Variants in TTL observed in about 807,000 individuals in gnomAD.
TTL encodes the protein tubulin--tyrosine ligase.
Under a neutral mutation model 41.1 loss-of-function variants are expected in TTL, and 10 were observed. That is an observed-to-expected ratio of 0.24 (90% CI 0.15 to 0.41). TTL has a LOEUF of 0.41. Among genes scored for constraint, TTL ranks in the 10% least tolerant of loss-of-function variants. The probability of loss-of-function intolerance (pLI) is 1.00; values close to 1 mark genes in which losing one functional copy is unlikely to be tolerated. For missense variants in TTL, 367 were observed against 460.4 expected, an observed-to-expected ratio of 0.80 and a Z score of 1.86; for synonymous variants, 175 against 175.5, an observed-to-expected ratio of 1.00 and a Z score of 0.02.
In TTL at chr2:112,530,975, T is replaced by G. The variant is rs1239450997; in HGVS notation, c.*2180T>G. The G allele has an allele frequency of 2.8e-5, 5 of 180,822 alleles. No homozygotes were observed. The highest frequency in any genetic ancestry group is 6.3e-5 in the Admixed American group (1 of 15,938). The allele number at this position is 180,822 out of a possible 1,614,324, so 11.2% of individuals were successfully genotyped here. Reference sequence around the variant, plus strand: ...AAATAAATTTTAAATAAATTTTAAATAAAATTTTACAGAGACGTGGTCTCA... The same window carrying G: ...AAATAAATTTTAAATAAATTTTAAAGAAAATTTTACAGAGACGTGGTCTCA... On this transcript the variant is annotated 3_prime_UTR_variant, in exon 7 of 7. Coordinates refer to ENST00000233336, the MANE Select transcript of TTL (RefSeq NM_153712.5).
chr2:112,499,594 G>A (rs902643116), intron 3 of TTL, among the ~76,000 whole-genome samples: 1 of 152,196 alleles, frequency 6.6e-6, no homozygotes, highest in Non-Finnish European at 1.5e-5. Context: ...GACTCCAAAA[G>A]TGTAATCCAT....
chr2:112,496,611 G>A (rs1243919379), intron 3 of TTL, among the ~76,000 whole-genome samples: 4 of 149,556 alleles, frequency 2.7e-5, no homozygotes, highest in Non-Finnish European at 4.4e-5. Context: ...CTTTGCTGTA[G>A]ATGACCCTTG....
At chr2:112,489,073 T>A (rs1457977020) in intron 2 of TTL, among the ~76,000 whole-genome samples, 1 of 152,070 alleles carries the variant, frequency 6.6e-6, no homozygotes, top group African/African-American at 2.4e-5. Flanking sequence ...GGTGACAGAG[T>A]GAGACGCCGT....
rs1256096151 is a variant in TTL at position 112,540,223 on chromosome 2, A to C, written c.*11428A>C. ...GCGGCCAAGGCAGATGGATTACTTG[A>C]GGTCAGGAATTCAAGACCAGCTTGG... is the stretch of plus-strand genomic sequence containing the variant. On this transcript the variant is annotated 3_prime_UTR_variant, in exon 7 of 7. Coordinates refer to ENST00000233336, the MANE Select transcript of TTL (RefSeq NM_153712.5). The C allele has an allele frequency of 2.0e-5, 3 of 152,336 alleles. No homozygotes were observed. Among genetic ancestry groups the C allele is most frequent in the South Asian group, 4.1e-4 (2 of 4,830 alleles). 9.4% of individuals were successfully genotyped at this position (152,336 alleles called of 1,614,324 possible). A position where few individuals can be genotyped will look rare whatever the true frequency, so the allele number is the denominator to read the frequency against.
intron 3 of TTL, 25 bp downstream of exon 3, chr2:112,494,400 C>A: frequency 6.4e-7 from 1 of 1,563,804 alleles, no homozygotes; most frequent in South Asian, 1.1e-5. Context: ...CTGTCCCCTT[C>A]TCTATTCCTG....
rs1439185951 is a variant in TTL, at chr2:112,541,559, T to G, written c.*12764T>G. 6.6e-6 allele frequency: 1 copy of G among 152,536 alleles called. No homozygotes were observed. Among genetic ancestry groups the G allele is most frequent in the Non-Finnish European group, 1.5e-5 (1 of 68,304 alleles). The allele number at this position is 152,536 out of a possible 1,614,324, so 9.4% of individuals were successfully genotyped here. A position where few individuals can be genotyped will look rare whatever the true frequency, so the allele number is the denominator to read the frequency against. The stretch of plus-strand genomic sequence containing the variant: ...GGAAGTTGACAGTAAGGAGGGACTA[T>G]CAGGGGCAGGAGGATACTGGGTAGT... On this transcript the variant is annotated 3_prime_UTR_variant, in exon 7 of 7. Transcript: ENST00000233336.
intron 3 of TTL, among the ~76,000 whole-genome samples, chr2:112,500,408 T>C (rs1287944760): frequency 6.6e-6 from 1 of 151,978 alleles, no homozygotes; most frequent in Non-Finnish European, 1.5e-5. Context: ...CCATATGTAC[T>C]AAAAATACAA....
intron 6 of TTL, chr2:112,521,438 ATGATGT>A: frequency 1.2e-6 from 1 of 854,678 alleles, no homozygotes; most frequent in Non-Finnish European, 1.4e-6. Flanking sequence ...ATCCTCTTTC[ATGATGT>A]CAAGACCCTT....
At chr2:112,500,956 C>T (rs1283622691) in intron 3 of TTL, among the ~76,000 whole-genome samples, 2 of 148,602 alleles carry the variant, frequency 1.3e-5, no homozygotes, top group Admixed American at 1.3e-4. Flanking sequence ...GTAAAACTGA[C>T]GTTTCATGGT....
intron 6 of TTL, among the ~76,000 whole-genome samples, chr2:112,524,515 TG>T (rs1682324040): frequency 6.6e-6 from 1 of 152,216 alleles, no homozygotes; most frequent in Non-Finnish European, 1.5e-5. Flanking sequence ...TATCTCATTG[TG>T]GTTTTGATTT....
intron 5 of TTL, among the ~76,000 whole-genome samples, chr2:112,512,088 T>C (rs1364489439): frequency 6.7e-6 from 1 of 150,046 alleles, no homozygotes; most frequent in Non-Finnish European, 1.5e-5. Context: ...GTATTTATTG[T>C]TATTATTATT....
chr2:112,517,422 T>C (rs1249337129), intron 5 of TTL, among the ~76,000 whole-genome samples: 1 of 151,638 alleles, frequency 6.6e-6, no homozygotes, highest in Non-Finnish European at 1.5e-5. Context: ...TAATTTTTTG[T>C]ATGTTTAGTA....
chr2:112,493,102 C>T lies in TTL; in HGVS notation c.237-1041C>T, dbSNP rs185134538. Among the ~76,000 whole-genome samples, 220 of 152,254 alleles carry T rather than the reference C, an allele frequency of 1.4e-3. 1 individual carries two copies. Among genetic ancestry groups the T allele is most frequent in the African/African-American group, 4.9e-3 (205 of 41,548 alleles). On this transcript the variant is annotated intron_variant, in intron 2 of 6. Transcript: ENST00000233336. ...AGTAGCTTTTCAGTTCTTTCCCTTACGCTTTAAAATAAATTTGTTTTTAAT... is the reference window on the plus strand; with the variant it reads ...AGTAGCTTTTCAGTTCTTTCCCTTATGCTTTAAAATAAATTTGTTTTTAAT...
chr2:112,490,344 G>A (rs1681349206), intron 2 of TTL, among the ~76,000 whole-genome samples: 1 of 151,988 alleles, frequency 6.6e-6, no homozygotes, highest in African/African-American at 2.4e-5. Context: ...CTTGAGCCGG[G>A]GAGGCAGAGT....
intron 5 of TTL, among the ~76,000 whole-genome samples, chr2:112,516,126 A>G (rs1682063343): frequency 6.6e-6 from 1 of 152,144 alleles, no homozygotes; most frequent in Admixed American, 6.5e-5. Flanking sequence ...CCAGTGTTAC[A>G]TCTGTGGCAT....
chr2:112,521,103 G>A (rs1159246804), intron 6 of TTL: 2 of 874,646 alleles, frequency 2.3e-6, no homozygotes, highest in Admixed American at 6.2e-5. Context: ...CTTAGACATG[G>A]GGGGTCTGGA....
intron 3 of TTL, among the ~76,000 whole-genome samples, chr2:112,497,601 T>C (rs1681570127): frequency 6.6e-6 from 1 of 151,950 alleles, no homozygotes; most frequent in African/African-American, 2.4e-5. Flanking sequence ...CTAAGGGAGA[T>C]GAAACAGCAT....
At position 112,538,534 on chromosome 2, in the gene TTL, T is replaced by C. The variant is rs1423777267; in HGVS notation, c.*9739T>C. 6.6e-6 allele frequency: 1 copy of C among 152,172 alleles called. No homozygotes were observed. The highest frequency in any genetic ancestry group is 2.4e-5 in the African/African-American group (1 of 41,434). The allele number at this position is 152,172 out of a possible 1,614,324, so 9.4% of individuals were successfully genotyped here. ...GCTCACTCCTATAATCTCAGCACTT[T>C]TAGGAGGCCAAGGTGGGCAGATCAA... On this transcript the variant is annotated 3_prime_UTR_variant, in exon 7 of 7. Transcript: ENST00000233336.
At chr2:112,524,473 T>TA (rs1311583365) in intron 6 of TTL, among the ~76,000 whole-genome samples, 5 of 152,208 alleles carry the variant, frequency 3.3e-5, no homozygotes, top group Non-Finnish European at 7.3e-5. Flanking sequence ...CCTGACTTTT[T>TA]AATGATCACC....
Sources: allele counts gnomAD v4.1 joint callset (sites outside exome capture counted in the v4.1 genomes callset), GRCh38; gene constraint gnomAD v4.1.1; transcripts MANE v1.5; gene names NCBI Gene and HGNC (gene_info 2026-07-23, HGNC 2026-07-21).